CEMIP: variants seen among roughly 807,000 people sequenced by gnomAD.
CEMIP encodes cell migration-inducing and hyaluronan-binding protein.
Under a neutral mutation model 156.9 loss-of-function variants are expected in CEMIP, and 105 were observed. The observed-to-expected ratio is 0.67, with a 90% CI of 0.57 to 0.79. The LOEUF is 0.79. Among genes scored for constraint, CEMIP ranks in the 30% least tolerant of loss-of-function variants. The pLI is 0.00. For missense variants in CEMIP, 1,457 were observed against 1,769.4 expected (o/e 0.82, Z 3.17); for synonymous variants, 676 against 668.4 (o/e 1.01, Z -0.17).
chr15:80,830,027 C>A (rs1343508317), intron 1 of CEMIP, among the ~76,000 whole-genome samples: 3 of 138,124 alleles, frequency 2.2e-5, no homozygotes, highest in African/African-American at 8.9e-5. Context: ...CAATAAGCAA[C>A]CAGGCCACTG....
At chr15:80,904,533 T>A (rs1229024843) in intron 12 of CEMIP, among the ~76,000 whole-genome samples, 1 of 152,186 alleles carries the variant, frequency 6.6e-6, no homozygotes, top group Admixed American at 6.5e-5. Context: ...GTTCTGGAGA[T>A]GGGAGATTAT....
intron 1 of CEMIP, among the ~76,000 whole-genome samples, chr15:80,853,323 C>T (rs968336043): frequency 1.3e-5 from 2 of 152,106 alleles, no homozygotes; most frequent in African/African-American, 4.8e-5. Flanking sequence ...GCTTCAAAGG[C>T]AGGAATAAAG....
chr15:80,942,358 G>C (rs753096116), intron 27 of CEMIP, 21 bp downstream of exon 27: 1 of 1,600,448 alleles, frequency 6.2e-7, no homozygotes, highest in Admixed American at 1.7e-5. Flanking sequence ...CTGGCCCCTG[G>C]AGGATTCGGG....
chr15:80,900,585 G>GGGGGGTGTGTGT (rs1218716074), intron 12 of CEMIP, among the ~76,000 whole-genome samples: 1 of 74,932 alleles, frequency 1.3e-5, no homozygotes, highest in Non-Finnish European at 2.5e-5. Flanking sequence ...CCCAGGTAGG[G>GGGGGGTGTGTGT]GTGTGTGTGT....
At position 80,922,167 on chromosome 15, in the gene CEMIP, C is replaced by A. The variant is rs1157063757; in HGVS notation, c.2202+30C>A. The A allele has an allele frequency of 3.7e-6, 6 of 1,613,396 alleles. No individual in the cohort carries two copies. The South Asian group carries it at 6.6e-5, about 18-fold the overall frequency. On this transcript the variant is annotated intron_variant, in intron 17 of 29. Transcript: ENST00000394685. ...GTCTTTCCAGGCTGCGCCTCTCTGG[C>A]CAGCCTCTCGGTCCCCTTCCCAGGC...
At chr15:80,861,246 C>T (rs1464834543) in intron 1 of CEMIP, among the ~76,000 whole-genome samples, 2 of 152,182 alleles carry the variant, frequency 1.3e-5, no homozygotes, top group Non-Finnish European at 2.9e-5. Context: ...CTATTCCCCT[C>T]CCATTCCTCC....
At chr15:80,865,416 G>A (rs1301573348) in intron 1 of CEMIP, among the ~76,000 whole-genome samples, 11 of 152,178 alleles carry the variant, frequency 7.2e-5, no homozygotes, top group Admixed American at 1.3e-4. Context: ...TCTTGACCTC[G>A]TGACCCACCA....
At chr15:80,862,011 G>A (rs538683827) in intron 1 of CEMIP, among the ~76,000 whole-genome samples, 26 of 152,338 alleles carry the variant, frequency 1.7e-4, no homozygotes, top group Non-Finnish European at 3.4e-4. Context: ...CCAGGGAACT[G>A]GGAATAAAAA....
intron 28 of CEMIP, 111 bp downstream of exon 28, chr15:80,943,213 A>G: frequency 1.7e-6 from 2 of 1,210,872 alleles, no homozygotes; most frequent in Non-Finnish European, 1.2e-6. Context: ...GGAAAAGCTC[A>G]GGCAGTCTCC....
At chr15:80,935,651 T>C (rs564613388) in intron 23 of CEMIP, among the ~76,000 whole-genome samples, 4 of 152,306 alleles carry the variant, frequency 2.6e-5, no homozygotes, top group South Asian at 4.1e-4. Flanking sequence ...GTTGGTGTGA[T>C]TGTCTCTCTT....
chr15:80,888,218 A>G (rs985800077), intron 8 of CEMIP, among the ~76,000 whole-genome samples: 14 of 152,112 alleles, frequency 9.2e-5, no homozygotes, highest in African/African-American at 3.1e-4. Context: ...CAAAAAAAAA[A>G]AGAATTAGCC....
chr15:80,929,027 C>T lies in CEMIP; in HGVS notation c.2465C>T (p.Thr822Ile). ...GIGLTLASGG[T>I]FPYDDGSKQE... ...ACATCTTCTCTCTACAGTGGTGGAA[C>T]CTTCCCGTATGACGACGGCTCCAAG... Residue 822 changes from threonine (T) to isoleucine (I), a missense_variant, in exon 21 of 30, where the codon ACC becomes ATC. Thr to Ile is a moderately conservative substitution (Grantham distance 89). This residue lies in a region of CEMIP where 798 missense variants were observed against 980.1 expected (regional missense o/e 0.81). Coordinates refer to ENST00000394685, the MANE Select transcript of CEMIP (RefSeq NM_001293298.2). 2.5e-6 allele frequency: 4 copies of T among 1,614,190 alleles called. No individual in the cohort carries two copies. Among genetic ancestry groups the T allele is most frequent in the Non-Finnish European group, 2.5e-6 (3 of 1,180,044 alleles).
chr15:80,792,219 A>T (rs1192453605), intron 1 of CEMIP, among the ~76,000 whole-genome samples: 1 of 152,210 alleles, frequency 6.6e-6, no homozygotes, highest in East Asian at 1.9e-4. Flanking sequence ...AGATGGTTCT[A>T]ATCAGACAAA....
intron 1 of CEMIP, among the ~76,000 whole-genome samples, chr15:80,853,204 C>T (rs186800207): frequency 1.4e-3 from 219 of 152,220 alleles, no homozygotes; most frequent in Non-Finnish European, 2.4e-3. Context: ...AGAACTAAGA[C>T]TTTTGGTTGC....
In CEMIP at chr15:80,884,190, A is replaced by G. The variant is rs766497726; in HGVS notation, c.633A>G (p.Arg211=). The change falls in exon 7 of 30, where the codon AGA becomes AGG. Residue 211 remains arginine, a synonymous_variant. Transcript: ENST00000394685. ...CCCTTTTTAGGTTTGACACCTATAG[A>G]TCCAAGAAAGAGAGTGAACGTCTGG... ...VIHSDRFDTY[R]SKKESERLVQ... 11 of 1,614,062 alleles carry G rather than the reference A, an allele frequency of 6.8e-6. No homozygotes were observed. In the African/African-American group the frequency reaches 9.3e-5, roughly 14 times the overall value.
intron 19 of CEMIP, 144 bp from the exon 20 acceptor site, chr15:80,928,758 A>G: frequency 9.7e-7 from 1 of 1,030,082 alleles, no homozygotes; most frequent in Non-Finnish European, 1.5e-6. Flanking sequence ...CAACTCCCTG[A>G]GCACGACTCT....
rs1288248629 is a variant in CEMIP, at chr15:80,810,299, TTGAG to T, written c.-176+30687_-176+30690del. Among the ~76,000 whole-genome samples, 24 of 152,310 alleles carry T rather than the reference TTGAG, an allele frequency of 1.6e-4. No homozygotes were observed. In the East Asian group the frequency reaches 2.3e-3, roughly 15 times the overall value. On this transcript the variant is annotated intron_variant, in intron 1 of 29. Transcript: ENST00000394685. ...CCCTTTTGATTTGAGTAAGATTTGA[TTGAG>T]TAAGATTTAGACTCTCCTGAAGGAC...
At chr15:80,829,850 G>A (rs951519624) in intron 1 of CEMIP, among the ~76,000 whole-genome samples, 3 of 152,124 alleles carry the variant, frequency 2.0e-5, no homozygotes, top group Non-Finnish European at 2.9e-5. Context: ...GTAAACCAAC[G>A]CTTCCTTTAT....
At chr15:80,934,804 G>C (rs541845128) in intron 23 of CEMIP, among the ~76,000 whole-genome samples, 1 of 152,150 alleles carries the variant, frequency 6.6e-6, no homozygotes, top group African/African-American at 2.4e-5. Context: ...GCAGGAAGAA[G>C]GACCAGAGGA....
Sources: allele counts gnomAD v4.1 joint callset (sites outside exome capture counted in the v4.1 genomes callset), GRCh38; gene constraint gnomAD v4.1.1; regional missense constraint gnomAD v4.1.1; transcripts MANE v1.5; gene names NCBI Gene and HGNC (gene_info 2026-07-23, HGNC 2026-07-21).